The following ATAD2B variants were observed in gnomAD, a reference collection of about 807,000 sequenced individuals.
ATAD2B encodes ATPase family AAA domain-containing protein 2B.
Under a neutral mutation model 167.6 loss-of-function variants are expected in ATAD2B, and 40 were observed. That is an observed-to-expected ratio of 0.24 (90% CI 0.19 to 0.31). The LOEUF (loss-of-function observed/expected upper bound fraction) is 0.31. Among genes scored for constraint, ATAD2B ranks in the 10% least tolerant of loss-of-function variants. ATAD2B has a pLI of 1.00. For missense variants in ATAD2B, 1,242 were observed against 1,757.2 expected, an observed-to-expected ratio of 0.71 and a Z score of 5.24; for synonymous variants, 579 against 596.5, an observed-to-expected ratio of 0.97 and a Z score of 0.43.
At chr2:23,888,521 T>G in intron 2 of ATAD2B, 122 bp from the exon 3 acceptor site, 1 of 618,340 alleles carries the variant, frequency 1.6e-6, no homozygotes, top group Non-Finnish European at 2.7e-6. Flanking sequence ...ATAACTTTTT[T>G]TACTGTAAGA....
chr2:23,776,257 C>A (rs779996379), intron 22 of ATAD2B, among the ~76,000 whole-genome samples: 12 of 152,338 alleles, frequency 7.9e-5, no homozygotes, highest in South Asian at 4.1e-4. Flanking sequence ...ATTCCTCTAA[C>A]CAGACCAAAA....
intron 1 of ATAD2B, among the ~76,000 whole-genome samples, chr2:23,921,799 A>C (rs1355165741): frequency 6.6e-6 from 1 of 152,174 alleles, no homozygotes; most frequent in East Asian, 1.9e-4. Context: ...AGGAGTACCT[A>C]TATTGTACTC....
chr2:23,903,620 G>A (rs1161029553), intron 1 of ATAD2B, among the ~76,000 whole-genome samples: 1 of 152,174 alleles, frequency 6.6e-6, no homozygotes, highest in Non-Finnish European at 1.5e-5. Context: ...AGAATAACTA[G>A]AAATGAATAG....
the ATAD2B span, among the ~76,000 whole-genome samples, chr2:23,720,142 C>T: frequency 1.3e-5 from 2 of 152,176 alleles, no homozygotes; most frequent in South Asian, 2.1e-4. Flanking sequence ...AGATGACTGA[C>T]TAGAAATACC....
chr2:23,767,652 C>T (rs1677642007), intron 22 of ATAD2B, among the ~76,000 whole-genome samples: 1 of 152,008 alleles, frequency 6.6e-6, no homozygotes, highest in Non-Finnish European at 1.5e-5. Context: ...TGAGGGGAGT[C>T]AAGAATAACA....
At chr2:23,842,761 A>G (rs1030772961) in intron 13 of ATAD2B, among the ~76,000 whole-genome samples, 1 of 152,218 alleles carries the variant, frequency 6.6e-6, no homozygotes, top group Non-Finnish European at 1.5e-5. Context: ...TCCTGAACAA[A>G]GCAAGGAGCA....
At chr2:23,807,147 C>T (rs1443708410) in intron 18 of ATAD2B, among the ~76,000 whole-genome samples, 9 of 152,108 alleles carry the variant, frequency 5.9e-5, no homozygotes, top group Non-Finnish European at 1.3e-4. Flanking sequence ...AGATCTGGAG[C>T]AATGATCAGA....
chr2:23,799,814 T>C (rs1179622113), intron 18 of ATAD2B: 2 of 152,110 alleles, frequency 1.3e-5, no homozygotes, highest in East Asian at 1.9e-4. Context: ...GTAGATGTTA[T>C]GATCACTCAC....
At chr2:23,758,249 A>G in intron 24 of ATAD2B, 148 bp from the exon 25 acceptor site, 1 of 614,882 alleles carries the variant, frequency 1.6e-6, no homozygotes, top group Non-Finnish European at 2.7e-6. Flanking sequence ...CATGCTGACT[A>G]ATCCTTGCAA....
At chr2:23,757,275 T>C in intron 25 of ATAD2B, 143 bp downstream of exon 25, 1 of 642,158 alleles carries the variant, frequency 1.6e-6, no homozygotes, top group Non-Finnish European at 2.4e-6. Flanking sequence ...TGTGCTTTTC[T>C]AGAGAATAGG....
chr2:23,851,492 C>T (rs1372384673), intron 13 of ATAD2B, among the ~76,000 whole-genome samples: 1 of 152,134 alleles, frequency 6.6e-6, no homozygotes. Context: ...AGGTTAACAG[C>T]CAAATTGAGA....
chr2:23,699,163 G>A, the ATAD2B span, among the ~76,000 whole-genome samples: 1 of 152,344 alleles, frequency 6.6e-6, no homozygotes, highest in African/African-American at 2.4e-5. Flanking sequence ...CTCGCTCAGA[G>A]GCAGAGGCAC....
rs189973540 is a variant in ATAD2B at position 23,848,277 on chromosome 2, C to T, written c.1568+9138G>A. Among the ~76,000 whole-genome samples, 12 of 152,164 alleles carry T rather than the reference C, an allele frequency of 7.9e-5. No homozygotes were observed. The South Asian group carries it at 2.1e-3, about 26-fold the overall frequency. ...CCACACTTTGGTAGGCCAAGGCAGG[C>T]GGATCACTTGCAGTCAGGAGCTCGA... On this transcript the variant is annotated intron_variant, in intron 13 of 27. Transcript: ENST00000238789.
chr2:23,722,969 A>T, the ATAD2B span, among the ~76,000 whole-genome samples: 1 of 152,184 alleles, frequency 6.6e-6, no homozygotes, highest in Non-Finnish European at 1.5e-5. Flanking sequence ...AAACATCTTA[A>T]CAGGAAAAAA....
At chr2:23,850,068 G>A (rs1391806246) in intron 13 of ATAD2B, among the ~76,000 whole-genome samples, 2 of 149,832 alleles carry the variant, frequency 1.3e-5, no homozygotes, top group African/African-American at 4.9e-5. Context: ...GCCTGAACCC[G>A]AGAGGCGGAG....
At chr2:23,717,797 G>A in the ATAD2B span, among the ~76,000 whole-genome samples, 2 of 152,030 alleles carry the variant, frequency 1.3e-5, no homozygotes, top group East Asian at 3.8e-4. Flanking sequence ...CAAGCAAAAG[G>A]GCATGTGACA....
At chr2:23,732,484 CAA>C in the ATAD2B span, among the ~76,000 whole-genome samples, 1 of 152,252 alleles carries the variant, frequency 6.6e-6, no homozygotes, top group East Asian at 1.9e-4. Flanking sequence ...GATTGTCTAA[CAA>C]TGTTATTTTC....
intron 14 of ATAD2B, chr2:23,832,227 G>C: frequency 4.3e-6 from 2 of 469,830 alleles, no homozygotes; most frequent in South Asian, 1.6e-5. Context: ...TGCTCTGTAA[G>C]AGAGAAGACT....
chr2:23,786,909 G>C (rs896045905), intron 20 of ATAD2B, among the ~76,000 whole-genome samples: 11 of 151,968 alleles, frequency 7.2e-5, no homozygotes. Context: ...TACCTTAAAT[G>C]CATAAAAAGT....
Sources: gnomAD v4.1 joint callset for allele counts (sites outside exome capture counted in the v4.1 genomes callset) on GRCh38, gnomAD v4.1.1 for gene constraint, MANE v1.5 for transcripts, NCBI Gene and HGNC (gene_info 2026-07-23, HGNC 2026-07-21) for gene names.